KCNQ1: variants seen among roughly 807,000 people sequenced by gnomAD.
KCNQ1 encodes the protein potassium voltage-gated channel subfamily Q member 1.
Under a neutral mutation model 72.4 loss-of-function variants are expected in KCNQ1, and 49 were observed. The observed-to-expected ratio is 0.68, with a 90% CI of 0.54 to 0.86. The LOEUF (loss-of-function observed/expected upper bound fraction) is 0.86, where lower values mean the gene tolerates loss of function less well. Among genes scored for constraint, KCNQ1 ranks in the 40% least tolerant of loss-of-function variants. The pLI, the probability that KCNQ1 is intolerant of heterozygous loss-of-function variation, is 0.00. For missense variants in KCNQ1, 790 were observed against 945.1 expected, an observed-to-expected ratio of 0.84 and a Z score of 2.15; for synonymous variants, 450 against 412.6, an observed-to-expected ratio of 1.09 and a Z score of -1.10.
At position 2,592,068 on chromosome 11, in the gene KCNQ1, G is replaced by A. The variant is rs369879519; in HGVS notation, c.1393+3214G>A. On this transcript the variant is annotated intron_variant, in intron 10 of 15. Coordinates refer to ENST00000155840, the MANE Select transcript of KCNQ1 (RefSeq NM_000218.3). The surrounding 1 kb of genome is among the most constrained non-coding windows in gnomAD (Gnocchi z 5.2). ...TCAAACCCAGGCCTCGACCTTGTCT[G>A]GCTGTGCTTTCTGTTGTGTGAACCT... Among the ~76,000 whole-genome samples the A allele has an allele frequency of 1.3e-5, 2 of 152,278 alleles. No individual in the cohort carries two copies. Among genetic ancestry groups the A allele is most frequent in the African/African-American group, 4.8e-5 (2 of 41,478 alleles).
rs1269508039 is a variant in KCNQ1 at position 2,769,233 on chromosome 11, G to A, written c.1590+314G>A. Among the ~76,000 whole-genome samples, 2 of 152,152 alleles carry A rather than the reference G, an allele frequency of 1.3e-5. No homozygotes were observed. The highest frequency in any genetic ancestry group is 2.4e-5 in the African/African-American group (1 of 41,448). ...CCCGTGGGGTGGGTCGTGCAAGGCA[G>A]CATTAGTGAGAGATGTGAGGGTGAC... On this transcript the variant is annotated intron_variant, in intron 12 of 15. Coordinates refer to ENST00000155840, the MANE Select transcript of KCNQ1 (RefSeq NM_000218.3). The surrounding 1 kb of genome is among the most constrained non-coding windows in gnomAD (Gnocchi z 4.6).
At chr11:2,589,869 T>C (rs918557168) in intron 10 of KCNQ1, among the ~76,000 whole-genome samples, 6 of 152,088 alleles carry the variant, frequency 3.9e-5, no homozygotes, top group Non-Finnish European at 8.8e-5. Flanking sequence ...TCGGGACCAG[T>C]TTTGAGACAA....
Position 2,827,568 on chromosome 11 carries a change from G to A in KCNQ1, c.1795-20199G>A, listed in dbSNP as rs891613600. ...AGTCGCTGCAAGGGCCCCTGGGGAC[G>A]GAGTCTCTATTCCAGGCAGGCAAAC... On this transcript the variant is annotated intron_variant, in intron 15 of 15. Coordinates refer to ENST00000155840, the MANE Select transcript of KCNQ1 (RefSeq NM_000218.3). The surrounding 1 kb of genome is among the most constrained non-coding windows in gnomAD (Gnocchi z 6.7). 4.0e-5 allele frequency among the ~76,000 whole-genome samples: 6 copies of A among 151,320 alleles called. No homozygotes were observed. The highest frequency in any genetic ancestry group is 2.6e-4 in the Admixed American group (4 of 15,216).
chr11:2,670,495 G>A lies in KCNQ1; in HGVS notation c.1514+8414G>A, dbSNP rs1328271804. On this transcript the variant is annotated intron_variant, in intron 11 of 15. Coordinates refer to ENST00000155840, the MANE Select transcript of KCNQ1 (RefSeq NM_000218.3). This position sits in a 1 kb window ranked among gnomAD's most constrained non-coding sequence, Gnocchi z 4.9. ...AGGTCCCTCAGAGAGCATCTAGTGG[G>A]CCTGTCCTCCCAGCTCACAGAAGGG... The A allele has an allele frequency of 1.3e-5, 5 of 397,322 alleles. No homozygotes were observed. The highest frequency in any genetic ancestry group is 8.3e-5 in the African/African-American group (4 of 48,168). The allele number at this position is 397,322 out of a possible 1,614,324, so 24.6% of individuals were successfully genotyped here.
chr11:2,695,205 CT>C lies in KCNQ1; in HGVS notation c.1514+33125del. 2.5e-6 allele frequency: 1 copy of C among 398,634 alleles called. No individual in the cohort carries two copies. Among genetic ancestry groups the C allele is most frequent in the South Asian group, 1.3e-4 (1 of 7,854 alleles). The allele number at this position is 398,634 out of a possible 1,614,324, so 24.7% of individuals were successfully genotyped here. Reference sequence around the variant, plus strand: ...CCTCAGCCTATGAAACACTGTCACCCTGTAAGGGTCTGCATAAAGTCACCGC... The same window carrying C: ...CCTCAGCCTATGAAACACTGTCACCCGTAAGGGTCTGCATAAAGTCACCGC... On this transcript the variant is annotated intron_variant, in intron 11 of 15. Transcript: ENST00000155840. The surrounding 1 kb of genome is among the most constrained non-coding windows in gnomAD (Gnocchi z 5.2).
rs2133627871 is a variant in KCNQ1, at chr11:2,492,012, AC to A, written c.387-35914del. Among the ~76,000 whole-genome samples the A allele has an allele frequency of 6.6e-6, 1 of 152,262 alleles. No individual in the cohort carries two copies. The highest frequency in any genetic ancestry group is 2.1e-4 in the South Asian group (1 of 4,820). ...CTTCCAACATGAAGGAGAAATACAG[AC>A]CTTCCCAGACAAACAAAAGCTGAGG... On this transcript the variant is annotated intron_variant, in intron 1 of 15. Coordinates refer to ENST00000155840, the MANE Select transcript of KCNQ1 (RefSeq NM_000218.3). The surrounding 1 kb of genome is among the most constrained non-coding windows in gnomAD (Gnocchi z 4.1).
chr11:2,777,096 C>T (rs921736920), intron 14 of KCNQ1, 64 bp downstream of exon 14: 6 of 1,491,570 alleles, frequency 4.0e-6, no homozygotes, highest in Non-Finnish European at 5.6e-6. Context: ...GCACCTCTGC[C>T]CTCCTGGCTC....
At chr11:2,753,357 C>T (rs564376063) in intron 11 of KCNQ1, among the ~76,000 whole-genome samples, 2 of 152,272 alleles carry the variant, frequency 1.3e-5, no homozygotes, top group East Asian at 3.9e-4. Context: ...AGGAGGGAGG[C>T]CAGCTTCAGC....
Position 2,785,316 on chromosome 11 carries a change from T to G in KCNQ1, c.1794+7279T>G, listed in dbSNP as rs1489599010. 6.6e-6 allele frequency among the ~76,000 whole-genome samples: 1 copy of G among 151,992 alleles called. No homozygotes were observed. The highest frequency in any genetic ancestry group is 1.5e-5 in the Non-Finnish European group (1 of 67,840). ...TTAATTTTCAGGTGTTAAACCAATC[T>G]CACATTTCTGGAATATATCCTACCT... On this transcript the variant is annotated intron_variant, in intron 15 of 15. Transcript: ENST00000155840. This position sits in a 1 kb window ranked among gnomAD's most constrained non-coding sequence, Gnocchi z 4.4.
chr11:2,779,613 C>G (rs1235067303), intron 15 of KCNQ1, among the ~76,000 whole-genome samples: 1 of 152,222 alleles, frequency 6.6e-6, no homozygotes, highest in Non-Finnish European at 1.5e-5. Flanking sequence ...ACTACTGTCC[C>G]AGACCTTTCT....
Position 2,626,461 on chromosome 11 carries a change from A to G in KCNQ1, c.1394-35500A>G, listed in dbSNP as rs969736500. ...GGTTTATTTTTGGGCTCTCTATTCA[A>G]TTCCATTGGTCTCTACATCTTTATG... On this transcript the variant is annotated intron_variant, in intron 10 of 15. Coordinates refer to ENST00000155840, the MANE Select transcript of KCNQ1 (RefSeq NM_000218.3). This position sits in a 1 kb window ranked among gnomAD's most constrained non-coding sequence, Gnocchi z 4.0. 5.0e-6 allele frequency: 2 copies of G among 398,508 alleles called. No individual in the cohort carries two copies. Among genetic ancestry groups the G allele is most frequent in the African/African-American group, 2.1e-5 (1 of 48,632 alleles). The allele number at this position is 398,508 out of a possible 1,614,324, so 24.7% of individuals were successfully genotyped here. A position where few individuals can be genotyped will look rare whatever the true frequency, so the allele number is the denominator to read the frequency against.
rs187489142 is a variant in KCNQ1, at chr11:2,458,621, A to G, written c.386+13137A>G. On this transcript the variant is annotated intron_variant, in intron 1 of 15. Coordinates refer to ENST00000155840, the MANE Select transcript of KCNQ1 (RefSeq NM_000218.3). The surrounding 1 kb of genome is among the most constrained non-coding windows in gnomAD (Gnocchi z 4.6). ...TGCACAGAAAGTGCTCCCATCCACA[A>G]TGCTTCCTTGCCTGGATGGATGGAT... is the stretch of plus-strand genomic sequence containing the variant. Among the ~76,000 whole-genome samples the G allele has an allele frequency of 1.8e-3, 266 of 148,290 alleles. No homozygotes were observed. Among genetic ancestry groups the G allele is most frequent in the African/African-American group, 5.4e-3 (217 of 40,092 alleles).
rs55861926 is a variant in KCNQ1 at position 2,544,258 on chromosome 11, A to G, written c.477+16240A>G. ...TATATGTGTGTGTGTGTATATATAT[A>G]TGTGTGTGTGTGTATATATATGTGT... On this transcript the variant is annotated intron_variant, in intron 2 of 15. Coordinates refer to ENST00000155840, the MANE Select transcript of KCNQ1 (RefSeq NM_000218.3). This position sits in a 1 kb window ranked among gnomAD's most constrained non-coding sequence, Gnocchi z 4.4. Among the ~76,000 whole-genome samples the G allele has an allele frequency of 2.5e-4, 22 of 86,626 alleles. 1 individual carries two copies. Among genetic ancestry groups the G allele is most frequent in the Admixed American group, 1.1e-4 (1 of 8,884 alleles). 56.8% of individuals were successfully genotyped at this position (86,626 alleles called of 152,430 possible).
rs1477648859 is a variant in KCNQ1, at chr11:2,772,209, G to A, written c.1590+3290G>A. 4.0e-5 allele frequency among the ~76,000 whole-genome samples: 6 copies of A among 151,868 alleles called. No homozygotes were observed. Among genetic ancestry groups the A allele is most frequent in the Admixed American group, 2.0e-4 (3 of 15,262 alleles). Reference sequence around the variant, plus strand: ...TCTCAGGATGCTTCCCTTCCTCGACGCCTGCCTGTCTGCTTGCTTGCACCC... The same window carrying A: ...TCTCAGGATGCTTCCCTTCCTCGACACCTGCCTGTCTGCTTGCTTGCACCC... On this transcript the variant is annotated intron_variant, in intron 12 of 15. Coordinates refer to ENST00000155840, the MANE Select transcript of KCNQ1 (RefSeq NM_000218.3). The surrounding 1 kb of genome is among the most constrained non-coding windows in gnomAD (Gnocchi z 6.6).
intron 15 of KCNQ1, among the ~76,000 whole-genome samples, chr11:2,845,777 A>C (rs914141650): frequency 6.6e-6 from 1 of 152,174 alleles, no homozygotes; most frequent in African/African-American, 2.4e-5. Context: ...GGCAGGGCAC[A>C]GTCCCACCCT....
intron 2 of KCNQ1, among the ~76,000 whole-genome samples, chr11:2,561,725 C>T (rs1226777681): frequency 2.0e-5 from 3 of 152,216 alleles, no homozygotes; most frequent in Non-Finnish European, 4.4e-5. Context: ...TCTCAGGGGG[C>T]CTGGCCAAGG....
rs1465831553 is a variant in KCNQ1, at chr11:2,769,089, AC to A, written c.1590+174del. ...GACCTGACAGTGCCTACCCCACCGA[AC>A]CCCAGACAGCAGGCCCCTCAGAGGA... is the stretch of plus-strand genomic sequence containing the variant. On this transcript the variant is annotated intron_variant, in intron 12 of 15. Coordinates refer to ENST00000155840, the MANE Select transcript of KCNQ1 (RefSeq NM_000218.3). This position sits in a 1 kb window ranked among gnomAD's most constrained non-coding sequence, Gnocchi z 4.6. Among the ~76,000 whole-genome samples, 7 of 151,578 alleles carry A rather than the reference AC, an allele frequency of 4.6e-5. No individual in the cohort carries two copies. Among genetic ancestry groups the A allele is most frequent in the South Asian group, 2.1e-4 (1 of 4,774 alleles).
intron 11 of KCNQ1, among the ~76,000 whole-genome samples, chr11:2,741,424 C>T (rs988040327): frequency 6.6e-6 from 1 of 152,154 alleles, no homozygotes; most frequent in East Asian, 1.9e-4. Flanking sequence ...GCCCTGTGTG[C>T]CCCCTCGGGG....
chr11:2,730,787 G>A (rs919290000), intron 11 of KCNQ1, among the ~76,000 whole-genome samples: 1 of 152,198 alleles, frequency 6.6e-6, no homozygotes, highest in African/African-American at 2.4e-5. Flanking sequence ...CAGTAATGGT[G>A]GTTTCGAAGG....
Sources: gnomAD v4.1 joint callset for allele counts (sites outside exome capture counted in the v4.1 genomes callset) on GRCh38, gnomAD v4.1.1 for gene constraint, Gnocchi (gnomAD v3.1) non-coding constraint, MANE v1.5 for transcripts, NCBI Gene and HGNC (gene_info 2026-07-23, HGNC 2026-07-21) for gene names.